The following AFAP1 variants were observed in gnomAD, a reference collection of about 807,000 sequenced individuals.
AFAP1 encodes actin filament-associated protein 1.
AFAP1 carries 75 observed loss-of-function variants against 93.9 expected under a neutral mutation model. That is an observed-to-expected ratio of 0.80 (90% CI 0.66 to 0.97). The LOEUF is 0.97. Ranked by LOEUF, AFAP1 falls within the 50% of genes least tolerant of loss-of-function variation. AFAP1 has a pLI of 0.00. For synonymous variants in AFAP1, 517 were observed against 430.7 expected (o/e 1.20, Z -2.48); for missense variants, 1,201 against 1,050.8 (o/e 1.14, Z -1.98).
At chr4:7,902,492 T>C (rs2149218165) in intron 1 of AFAP1, among the ~76,000 whole-genome samples, 2 of 152,306 alleles carry the variant, frequency 1.3e-5, no homozygotes, top group Non-Finnish European at 2.9e-5. Context: ...GAAACTGGAA[T>C]GCTCTAGGTT....
intron 1 of AFAP1, among the ~76,000 whole-genome samples, chr4:7,936,342 T>C (rs1048086371): frequency 6.6e-6 from 1 of 152,028 alleles, no homozygotes; most frequent in Admixed American, 6.5e-5. Context: ...TTTTATTTTT[T>C]ACAGAAAGGG....
chr4:7,806,453 C>G (rs1358054350), intron 9 of AFAP1, among the ~76,000 whole-genome samples: 1 of 152,120 alleles, frequency 6.6e-6, no homozygotes, highest in African/African-American at 2.4e-5. Context: ...GGCATTTGAA[C>G]TCCGCTTTCA....
At chr4:7,836,112 G>A (rs1712267822) in intron 6 of AFAP1, among the ~76,000 whole-genome samples, 1 of 152,050 alleles carries the variant, frequency 6.6e-6, no homozygotes, top group African/African-American at 2.4e-5. Flanking sequence ...TTAAATCAAA[G>A]TGGATCAAAA....
intron 6 of AFAP1, among the ~76,000 whole-genome samples, chr4:7,826,880 T>G (rs1180022766): frequency 6.6e-6 from 1 of 151,976 alleles, no homozygotes; most frequent in Non-Finnish European, 1.5e-5. Context: ...GCATGGAATG[T>G]CATGGAAACT....
chr4:7,834,368 G>A (rs568870986), intron 6 of AFAP1, among the ~76,000 whole-genome samples: 9 of 152,298 alleles, frequency 5.9e-5, no homozygotes, highest in African/African-American at 1.7e-4. Context: ...AAAAAGGGTG[G>A]GAAGGAGGTA....
chr4:7,838,658 G>A lies in AFAP1; in HGVS notation c.592C>T (p.Leu198Phe). ...ATGTACGTAATGTTACAGCCTTGGA[G>A]TGGCAGTTCCATCTGAGGCTGCTGG... ...KDQQPQMELP[L>F]QGCNITYIPK... Residue 198 changes from leucine to phenylalanine, a missense_variant, in exon 6 of 18, where the codon CTC becomes TTC. Transcript: ENST00000420658. 6.2e-7 allele frequency: 1 copy of A among 1,614,126 alleles called. No homozygotes were observed. Among genetic ancestry groups the A allele is most frequent in the East Asian group, 2.2e-5 (1 of 44,862 alleles).
chr4:7,829,625 T>C (rs1330856199), intron 6 of AFAP1, among the ~76,000 whole-genome samples: 1 of 152,208 alleles, frequency 6.6e-6, no homozygotes, highest in East Asian at 1.9e-4. Flanking sequence ...ATACTCAGTG[T>C]CATTCACAAT....
intron 7 of AFAP1, among the ~76,000 whole-genome samples, chr4:7,818,054 G>A (rs148178863): frequency 2.0e-5 from 3 of 152,262 alleles, no homozygotes; most frequent in African/African-American, 4.8e-5. Context: ...GTGTCAATGT[G>A]GGGGGCATCT....
At chr4:7,814,051 C>T (rs1375431406) in intron 8 of AFAP1, among the ~76,000 whole-genome samples, 9 of 152,212 alleles carry the variant, frequency 5.9e-5, no homozygotes, top group African/African-American at 2.2e-4. Context: ...CTGCCCTTCA[C>T]CTCCGTCCAC....
chr4:7,793,573 T>C (rs1052583671), intron 11 of AFAP1, 108 bp downstream of exon 11: 8 of 1,215,410 alleles, frequency 6.6e-6, no homozygotes, highest in East Asian at 2.7e-5. Context: ...GGAAAGTCTT[T>C]AGTTTTTCTT....
At chr4:7,826,523 G>A (rs1436216941) in intron 6 of AFAP1, among the ~76,000 whole-genome samples, 2 of 152,254 alleles carry the variant, frequency 1.3e-5, no homozygotes, top group Non-Finnish European at 2.9e-5. Context: ...CTTAGCAAGT[G>A]AAAAAGCTGG....
chr4:7,914,088 T>C (rs1719922334), intron 1 of AFAP1, among the ~76,000 whole-genome samples: 1 of 151,218 alleles, frequency 6.6e-6, no homozygotes, highest in Non-Finnish European at 1.5e-5. Flanking sequence ...AAAGTCACAC[T>C]CTGTCGCCCA....
At chr4:7,780,809 C>G (rs1278151615) in intron 13 of AFAP1, among the ~76,000 whole-genome samples, 1 of 151,866 alleles carries the variant, frequency 6.6e-6, no homozygotes, top group African/African-American at 2.4e-5. Context: ...TGGGAGTATA[C>G]CTTTAGACTT....
At chr4:7,845,594 G>A (rs890390709) in intron 4 of AFAP1, among the ~76,000 whole-genome samples, 3 of 151,930 alleles carry the variant, frequency 2.0e-5, no homozygotes, top group Non-Finnish European at 2.9e-5. Flanking sequence ...GGTGAGAGGC[G>A]AACAGAACAC....
At chr4:7,928,451 C>G (rs778962784) in intron 1 of AFAP1, among the ~76,000 whole-genome samples, 5 of 152,080 alleles carry the variant, frequency 3.3e-5, no homozygotes, top group Non-Finnish European at 5.9e-5. Flanking sequence ...GCAGTGACGC[C>G]ATCTCGGCTC....
rs1713406450 is a variant in AFAP1 at position 7,759,062 on chromosome 4, A to AAAT, written c.*4700_*4702dup. On this transcript the variant is annotated 3_prime_UTR_variant, in exon 18 of 18. Coordinates refer to ENST00000420658, the MANE Select transcript of AFAP1 (RefSeq NM_001134647.2). Reference sequence around the variant, plus strand: ...TTAGCTTTTAAAAAATACAATAAGGAAATAATTACATTCTTAATATGAAAA... The same window carrying AAAT: ...TTAGCTTTTAAAAAATACAATAAGGAAATAATAATTACATTCTTAATATGAAAA... The AAAT allele has an allele frequency of 6.5e-6, 1 of 152,686 alleles. No individual in the cohort carries two copies. Among genetic ancestry groups the AAAT allele is most frequent in the Admixed American group, 6.5e-5 (1 of 15,290 alleles). The allele number at this position is 152,686 out of a possible 1,614,324, so 9.5% of individuals were successfully genotyped here. A position where few individuals can be genotyped will look rare whatever the true frequency, so the allele number is the denominator to read the frequency against.
intron 5 of AFAP1, among the ~76,000 whole-genome samples, chr4:7,841,120 G>A (rs1712959167): frequency 6.6e-6 from 1 of 152,240 alleles, no homozygotes; most frequent in Non-Finnish European, 1.5e-5. Context: ...CTCTATAGCA[G>A]GCAGCAGCAT....
intron 11 of AFAP1, among the ~76,000 whole-genome samples, chr4:7,790,617 G>A (rs905419465): frequency 6.6e-6 from 1 of 151,538 alleles, no homozygotes; most frequent in African/African-American, 2.4e-5. Context: ...TCTGCTAGTT[G>A]GGCAGATTTT....
At chr4:7,893,267 A>C (rs1718574895) in intron 1 of AFAP1, among the ~76,000 whole-genome samples, 1 of 152,188 alleles carries the variant, frequency 6.6e-6, no homozygotes, top group African/African-American at 2.4e-5. Context: ...CTAAAGTTAC[A>C]TTACACTTTT....
Sources: allele counts gnomAD v4.1 joint callset (sites outside exome capture counted in the v4.1 genomes callset), GRCh38; gene constraint gnomAD v4.1.1; transcripts MANE v1.5; gene names NCBI Gene and HGNC (gene_info 2026-07-23, HGNC 2026-07-21).